Variants in CNKSR1 observed in about 807,000 individuals in gnomAD.
CNKSR1 encodes the protein connector enhancer of kinase suppressor of Ras 1, also known as CNK homolog protein 1.
CNKSR1 carries 88 observed loss-of-function variants against 95.6 expected under a neutral mutation model. The ratio of observed to expected loss-of-function variants is 0.92; its 90% CI spans 0.78 to 1.10. CNKSR1 has a LOEUF of 1.10. Ranked by LOEUF, CNKSR1 falls within the 50% of genes least tolerant of loss-of-function variation. The probability of loss-of-function intolerance (pLI) is 0.00; values close to 1 mark genes in which losing one functional copy is unlikely to be tolerated. For synonymous variants in CNKSR1, 355 were observed against 369.7 expected, an observed-to-expected ratio of 0.96 and a Z score of 0.46; for missense variants, 836 against 912.0, an observed-to-expected ratio of 0.92 and a Z score of 1.07.
At chr1:26,184,016 C>G in intron 9 of CNKSR1, 55 bp from the exon 10 acceptor site, 3 of 1,390,264 alleles carry the variant, frequency 2.2e-6, no homozygotes, top group Non-Finnish European at 3.1e-6. Context: ...CCTGTTGCCC[C>G]CCAACCTGCT....
Position 26,181,360 on chromosome 1 carries a change from C to G in CNKSR1, c.392+464C>G, listed in dbSNP as rs112619538. Among the ~76,000 whole-genome samples, 865 of 151,536 alleles carry G rather than the reference C, an allele frequency of 5.7e-3. 15 individuals carry two copies. The highest frequency in any genetic ancestry group is 0.02 in the African/African-American group (835 of 41,226). The stretch of plus-strand genomic sequence containing the variant: ...CCACCTGTGCAGGGGCACTGGGATG[C>G]CAGAGTTCCCACCCCACCCTCCAGC... On this transcript the variant is annotated intron_variant, in intron 3 of 20. Coordinates refer to ENST00000361530, the MANE Select transcript of CNKSR1 (RefSeq NM_006314.3).
chr1:26,180,062 G>C, intron 1 of CNKSR1: 1 of 298,292 alleles, frequency 3.4e-6, no homozygotes, highest in Middle Eastern at 1.2e-3. Flanking sequence ...ATTGAGCCTA[G>C]GAGGTCAAGG....
rs771625143 is a variant in CNKSR1, at chr1:26,189,514, C to G, written c.2108C>G (p.Thr703Ser). ...PEEHSHLCPL[T>S]SESSLRPPDL is the part of the protein sequence containing the mutation. ...GAGCACTCCCATCTCTGCCCCCTGA[C>G]CTCAGAGAGCAGCCTCCGACCTCCT... The change falls in exon 21 of 21, where the codon ACC (threonine) becomes AGC (serine). Residue 703 changes from threonine (T) to serine (S), a missense_variant. Thr to Ser is a moderately conservative substitution (Grantham distance 58). Coordinates refer to ENST00000361530, the MANE Select transcript of CNKSR1 (RefSeq NM_006314.3). 4.4e-6 allele frequency: 7 copies of G among 1,588,450 alleles called. No individual in the cohort carries two copies. The highest frequency in any genetic ancestry group is 6.1e-6 in the Non-Finnish European group (7 of 1,156,554).
rs1166948065 is a variant in CNKSR1, at chr1:26,180,582, T to C, written c.182T>C (p.Leu61Pro). The C allele has an allele frequency of 6.2e-7, 1 of 1,614,234 alleles. No individual in the cohort carries two copies. Among genetic ancestry groups the C allele is most frequent in the South Asian group, 1.1e-5 (1 of 91,088 alleles). The change falls in exon 2 of 21, where the codon CTG (leucine) becomes CCG (proline). Residue 61 changes from leucine (L) to proline (P), a missense_variant. Physicochemically the swap from Leu to Pro is moderately conservative, Grantham distance 98. Transcript: ENST00000361530. ...VRSLGHQELILGGVEQLQALS... is the reference protein window; with the variant it reads ...VRSLGHQELIPGGVEQLQALS... ...TCTCTGGGACACCAGGAGCTCATCC[T>C]GGGCGGGGTGGAACAGCTCCAGGCC...
At chr1:26,185,392 C>CTT (rs559527821) in intron 14 of CNKSR1, among the ~76,000 whole-genome samples, 14 of 130,706 alleles carry the variant, frequency 1.1e-4, no homozygotes, top group South Asian at 2.4e-4. Flanking sequence ...AGAGAAAAAT[C>CTT]TTTTTTTTTT....
intron 15 of CNKSR1, 52 bp from the exon 16 acceptor site, chr1:26,187,359 G>T: frequency 6.2e-7 from 1 of 1,608,154 alleles, no homozygotes; most frequent in South Asian, 1.1e-5. Context: ...AGCCTCTCTG[G>T]GCTGTGGGTG....
chr1:26,181,108 C>T, intron 3 of CNKSR1: 3 of 562,542 alleles, frequency 5.3e-6, no homozygotes, highest in Non-Finnish European at 9.7e-6. Flanking sequence ...GGTGAAACCC[C>T]ATCTTTACCA....
In CNKSR1 at chr1:26,180,542, G is replaced by C; in HGVS notation, c.142G>C (p.Ala48Pro). Residue 48 changes from alanine to proline, a missense_variant, in exon 2 of 21, where the codon GCT becomes CCT. Coordinates refer to ENST00000361530, the MANE Select transcript of CNKSR1 (RefSeq NM_006314.3). ...LLQLCPQSLEALAVRSLGHQE... is the reference protein window; with the variant it reads ...LLQLCPQSLEPLAVRSLGHQE... ...CCAGCTCTGCCCCCAAAGCCTCGAGGCTCTGGCTGTGCGGTCTCTGGGACA... is the reference window on the plus strand; with the variant it reads ...CCAGCTCTGCCCCCAAAGCCTCGAGCCTCTGGCTGTGCGGTCTCTGGGACA... 6.2e-7 allele frequency: 1 copy of C among 1,614,202 alleles called. No individual in the cohort carries two copies. The highest frequency in any genetic ancestry group is 8.5e-7 in the Non-Finnish European group (1 of 1,180,046).
rs774179163 is a variant in CNKSR1 at position 26,183,178 on chromosome 1, A to G, written c.625-19A>G. 2.5e-6 allele frequency: 4 copies of G among 1,613,590 alleles called. No individual in the cohort carries two copies. The highest frequency in any genetic ancestry group is 1.7e-5 in the Admixed American group (1 of 59,988). Reference sequence around the variant, plus strand: ...TGTTGCCCCCCAGCCCCCGGTGACTATAGCCTCTGCCTCTGCAGGGCCTAG... The same window carrying G: ...TGTTGCCCCCCAGCCCCCGGTGACTGTAGCCTCTGCCTCTGCAGGGCCTAG... On this transcript the variant is annotated intron_variant, in intron 6 of 20. Coordinates refer to ENST00000361530, the MANE Select transcript of CNKSR1 (RefSeq NM_006314.3).
chr1:26,186,661 A>C (rs949017060), intron 14 of CNKSR1, among the ~76,000 whole-genome samples: 4 of 151,360 alleles, frequency 2.6e-5, no homozygotes, highest in African/African-American at 9.7e-5. Flanking sequence ...TTTTTAGTAG[A>C]GATGGGGTTT....
chr1:26,186,559 T>C (rs2124514801), intron 14 of CNKSR1, among the ~76,000 whole-genome samples: 1 of 151,852 alleles, frequency 6.6e-6, no homozygotes, highest in East Asian at 1.9e-4. Context: ...ATGGCAACCT[T>C]TTCCTCCCAG....
rs1274369692 is a variant in CNKSR1, at chr1:26,182,410, T to C, written c.519+8T>C. ...GGCACAGTCCTGAGGATCGTGAGTC[T>C]GTGGGGTGGGAAGAGAGTGGGGGTA... On this transcript the variant is annotated splice_region_variant and intron_variant, in intron 5 of 20. Transcript: ENST00000361530. 2 of 1,613,720 alleles carry C rather than the reference T, an allele frequency of 1.2e-6. No individual in the cohort carries two copies. Among genetic ancestry groups the C allele is most frequent in the African/African-American group, 2.7e-5 (2 of 74,834 alleles).
intron 1 of CNKSR1, among the ~76,000 whole-genome samples, chr1:26,179,277 G>A (rs929291831): frequency 1.3e-5 from 2 of 152,214 alleles, no homozygotes; most frequent in African/African-American, 4.8e-5. Context: ...GGTTTGTGGA[G>A]GCTCAGGGGC....
intron 15 of CNKSR1, 50 bp from the exon 16 acceptor site, chr1:26,187,361 C>A (rs200139404): frequency 6.2e-7 from 1 of 1,607,628 alleles, no homozygotes; most frequent in East Asian, 2.2e-5. Context: ...CCTCTCTGGG[C>A]TGTGGGTGGG....
In CNKSR1 at chr1:26,188,293, C is replaced by G. The variant is rs12409430; in HGVS notation, c.1514C>G (p.Pro505Arg). ...SKYQSPGRAP[P>R]PREEDCYSET... ...TACCAGTCTCCAGGCCGGGCCCCCC[C>G]ACCCCGAGAGGAAGGTAGGTGTCTC... The change falls in exon 17 of 21, where the codon CCA becomes CGA. Residue 505 changes from proline (P) to arginine (R), a missense_variant. Coordinates refer to ENST00000361530, the MANE Select transcript of CNKSR1 (RefSeq NM_006314.3). The G allele has an allele frequency of 8.1e-6, 13 of 1,614,010 alleles. No individual in the cohort carries two copies. The highest frequency in any genetic ancestry group is 2.2e-5 in the South Asian group (2 of 91,078).
Position 26,189,306 on chromosome 1 carries a change from G to C in CNKSR1, c.1900G>C (p.Glu634Gln). 1 of 1,614,194 alleles carries C rather than the reference G, an allele frequency of 6.2e-7. No homozygotes were observed. The highest frequency in any genetic ancestry group is 1.1e-5 in the South Asian group (1 of 91,086). ...KAKLQELQVL[E>Q]EVLGDPELTG... ...AAAGCTGCAGGAGCTGCAGGTCCTA[G>C]AAGAAGTGCTGGGTGACCCTGAGCT... The change falls in exon 21 of 21, where the codon GAA becomes CAA. Residue 634 changes from glutamate to glutamine, a missense_variant. Glu to Gln is a conservative substitution (Grantham distance 29). Transcript: ENST00000361530.
chr1:26,183,083 G>A, intron 6 of CNKSR1, 114 bp from the exon 7 acceptor site: 1 of 1,052,132 alleles, frequency 9.5e-7, no homozygotes. Flanking sequence ...ACCAGCTTGG[G>A]GTCAGCTCTT....
chr1:26,184,344 C>A, intron 11 of CNKSR1, 57 bp downstream of exon 11: 1 of 1,603,300 alleles, frequency 6.2e-7, no homozygotes, highest in Admixed American at 1.7e-5. Context: ...CCAGTTCTGA[C>A]CCCAAGCCTG....
chr1:26,187,360 G>C (rs752984247), intron 15 of CNKSR1, 51 bp from the exon 16 acceptor site: 1 of 1,608,424 alleles, frequency 6.2e-7, no homozygotes, highest in Non-Finnish European at 8.5e-7. Context: ...GCCTCTCTGG[G>C]CTGTGGGTGG....
Sources: allele counts gnomAD v4.1 joint callset (sites outside exome capture counted in the v4.1 genomes callset), GRCh38; gene constraint gnomAD v4.1.1; transcripts MANE v1.5; gene names NCBI Gene and HGNC (gene_info 2026-07-23, HGNC 2026-07-21).